LINGO2: variants seen among roughly 807,000 people sequenced by gnomAD.
The protein encoded by LINGO2 is leucine rich repeat and Ig domain containing 2.
A neutral mutation model predicts 30.6 loss-of-function variants in LINGO2; 14 were observed. That is an observed-to-expected ratio of 0.46 (90% CI 0.30 to 0.72). The LOEUF is 0.72. Among genes scored for constraint, LINGO2 ranks in the 30% least tolerant of loss-of-function variants. LINGO2 has a pLI of 0.07. For synonymous variants in LINGO2, 317 were observed against 288.5 expected (o/e 1.10, Z -1.00); for missense variants, 729 against 751.7 (o/e 0.97, Z 0.35).
At chr9:28,876,970 C>A in the LINGO2 span, among the ~76,000 whole-genome samples, 1 of 152,044 alleles carries the variant, frequency 6.6e-6, no homozygotes, top group Non-Finnish European at 1.5e-5. Flanking sequence ...GTATCTCATT[C>A]TGGTTTTGAT....
At chr9:29,060,544 A>T in the LINGO2 span, among the ~76,000 whole-genome samples, 6 of 152,060 alleles carry the variant, frequency 3.9e-5, no homozygotes, top group South Asian at 2.1e-4. Flanking sequence ...AAAATCCAAG[A>T]ACCACTTCAT....
chr9:28,120,409 C>T (rs1827060833), intron 4 of LINGO2, among the ~76,000 whole-genome samples: 1 of 152,154 alleles, frequency 6.6e-6, no homozygotes, highest in African/African-American at 2.4e-5. Context: ...ACTTGTGCAT[C>T]TTTATTGTTG....
the LINGO2 span, among the ~76,000 whole-genome samples, chr9:28,837,699 G>C: frequency 9.0e-6 from 1 of 110,592 alleles, no homozygotes; most frequent in Non-Finnish European, 1.9e-5. Context: ...AACAGGGGAT[G>C]CCTAAGGGTG....
intron 4 of LINGO2, among the ~76,000 whole-genome samples, chr9:28,243,158 G>T (rs1017785335): frequency 9.2e-5 from 14 of 151,878 alleles, no homozygotes; most frequent in Non-Finnish European, 2.1e-4. Flanking sequence ...AAATGCCCCA[G>T]TTAAAAGACA....
chr9:28,691,993 C>G, the LINGO2 span, among the ~76,000 whole-genome samples: 2 of 152,160 alleles, frequency 1.3e-5, no homozygotes, highest in African/African-American at 2.4e-5. Flanking sequence ...GAAATCTAAT[C>G]TCATCCCTCA....
At chr9:29,127,856 G>A in the LINGO2 span, among the ~76,000 whole-genome samples, 1 of 152,062 alleles carries the variant, frequency 6.6e-6, no homozygotes, top group African/African-American at 2.4e-5. Context: ...ATGTGTTCAG[G>A]CGAATTAAAC....
intron 4 of LINGO2, among the ~76,000 whole-genome samples, chr9:28,194,683 G>T (rs1819947458): frequency 6.7e-6 from 1 of 149,730 alleles, no homozygotes; most frequent in Non-Finnish European, 1.5e-5. Context: ...ATGTGACATA[G>T]AAATCAGGAA....
intron 5 of LINGO2, among the ~76,000 whole-genome samples, chr9:28,009,117 T>C (rs570236366): frequency 6.8e-6 from 1 of 145,986 alleles, no homozygotes; most frequent in Admixed American, 7.1e-5. Flanking sequence ...TGTTGTTTTT[T>C]TGACAGATAA....
intron 1 of LINGO2, among the ~76,000 whole-genome samples, chr9:28,508,686 C>G (rs923597150): frequency 6.6e-6 from 1 of 151,920 alleles, no homozygotes; most frequent in African/African-American, 2.4e-5. Context: ...TTATTTAATT[C>G]CTTTCCTTGG....
intron 5 of LINGO2, among the ~76,000 whole-genome samples, chr9:27,954,338 C>T (rs1360731789): frequency 1.3e-5 from 2 of 152,148 alleles, no homozygotes; most frequent in East Asian, 3.9e-4. Context: ...CTCTTCATCT[C>T]CTCCCTTGAT....
At chr9:28,550,483 C>T (rs915861033) in intron 1 of LINGO2, among the ~76,000 whole-genome samples, 1 of 151,660 alleles carries the variant, frequency 6.6e-6, no homozygotes, top group African/African-American at 2.4e-5. Context: ...CTTCTTTTGT[C>T]TACTTTTAAT....
the LINGO2 span, among the ~76,000 whole-genome samples, chr9:29,060,248 A>G: frequency 6.6e-6 from 1 of 152,172 alleles, no homozygotes; most frequent in East Asian, 1.9e-4. Context: ...GAGCCACTAC[A>G]GACCAGAGAA....
intron 4 of LINGO2, among the ~76,000 whole-genome samples, chr9:28,098,414 C>A (rs978150784): frequency 6.6e-6 from 1 of 152,128 alleles, no homozygotes; most frequent in Non-Finnish European, 1.5e-5. Context: ...ATCAATAAAT[C>A]TATAACATGT....
intron 2 of LINGO2, among the ~76,000 whole-genome samples, chr9:28,449,461 G>T (rs1281121161): frequency 6.6e-6 from 1 of 152,040 alleles, no homozygotes; most frequent in Admixed American, 6.6e-5. Flanking sequence ...ATATTTAATA[G>T]TTGGCCTGTT....
chr9:28,720,126 T>C, the LINGO2 span, among the ~76,000 whole-genome samples: 2 of 152,070 alleles, frequency 1.3e-5, no homozygotes, highest in Non-Finnish European at 2.9e-5. Flanking sequence ...AAAGTACTAC[T>C]AATGCCAAAC....
chr9:28,927,402 G>A, the LINGO2 span, among the ~76,000 whole-genome samples: 91 of 152,152 alleles, frequency 6.0e-4, no homozygotes, highest in African/African-American at 2.1e-3. Context: ...TGAGAAAACA[G>A]GGTAAGGTAA....
At chr9:28,767,995 A>G in the LINGO2 span, among the ~76,000 whole-genome samples, 1 of 152,158 alleles carries the variant, frequency 6.6e-6, no homozygotes, top group Non-Finnish European at 1.5e-5. Flanking sequence ...GTTATCAGCC[A>G]TTGATGCTCA....
the LINGO2 span, among the ~76,000 whole-genome samples, chr9:28,836,450 G>T: frequency 6.6e-6 from 1 of 152,004 alleles, no homozygotes; most frequent in Non-Finnish European, 1.5e-5. Context: ...AAGTAGCTAG[G>T]ATTACAGGCA....
the LINGO2 span, among the ~76,000 whole-genome samples, chr9:29,025,704 T>C: frequency 5.9e-5 from 9 of 152,276 alleles, no homozygotes; most frequent in East Asian, 9.6e-4. Flanking sequence ...AAGAACACAA[T>C]ATATTATTAA....
Sources: gnomAD v4.1 joint callset for allele counts (sites outside exome capture counted in the v4.1 genomes callset) on GRCh38, gnomAD v4.1.1 for gene constraint, MANE v1.5 for transcripts, NCBI Gene and HGNC (gene_info 2026-07-23, HGNC 2026-07-21) for gene names.